The following GLRB variants were observed in gnomAD, a reference collection of about 807,000 sequenced individuals.
The protein encoded by GLRB is glycine receptor beta, also known as glycine receptor subunit beta.
A neutral mutation model predicts 54.2 loss-of-function variants in GLRB; 33 were observed. That is an observed-to-expected ratio of 0.61 (90% CI 0.46 to 0.81). The LOEUF is 0.81. Among genes scored for constraint, GLRB ranks in the 40% least tolerant of loss-of-function variants. The pLI is 0.00. For synonymous variants in GLRB, 209 were observed against 208.2 expected (o/e 1.00, Z -0.03); for missense variants, 572 against 584.6 (o/e 0.98, Z 0.22).
intron 4 of GLRB, among the ~76,000 whole-genome samples, chr4:157,122,976 T>C (rs1735889905): frequency 6.6e-6 from 1 of 151,608 alleles, no homozygotes; most frequent in Non-Finnish European, 1.5e-5. Flanking sequence ...ATTCGTGTCT[T>C]GAAAGGAATA....
intron 4 of GLRB, among the ~76,000 whole-genome samples, chr4:157,135,388 A>C (rs1189818732): frequency 6.6e-6 from 1 of 152,070 alleles, no homozygotes; most frequent in African/African-American, 2.4e-5. Context: ...TGGCATCTTG[A>C]ATTGTAGCTC....
chr4:157,141,772 T>C (rs1347684237), intron 7 of GLRB, among the ~76,000 whole-genome samples: 1 of 152,048 alleles, frequency 6.6e-6, no homozygotes, highest in Non-Finnish European at 1.5e-5. Flanking sequence ...TATCCAAGCA[T>C]GTATTTTACT....
At chr4:157,146,733 AT>A (rs1736827017) in intron 8 of GLRB, among the ~76,000 whole-genome samples, 1 of 151,910 alleles carries the variant, frequency 6.6e-6, no homozygotes, top group Non-Finnish European at 1.5e-5. Context: ...GGACTGAGAA[AT>A]TGCTTGAACC....
chr4:157,129,695 A>C (rs1031018844), intron 4 of GLRB, among the ~76,000 whole-genome samples: 1 of 151,708 alleles, frequency 6.6e-6, no homozygotes. Flanking sequence ...TGCTCATTGG[A>C]ATATGACTCT....
rs1233951140 is a variant in GLRB, at chr4:157,152,734, C to G, written c.921C>G (p.Leu307=). 2 of 1,613,510 alleles carry G rather than the reference C, an allele frequency of 1.2e-6. No individual in the cohort carries two copies. Among genetic ancestry groups the G allele is most frequent in the East Asian group, 2.2e-5 (1 of 44,854 alleles). The part of the protein sequence containing the change: ...ARVPLGIFSV[L]SLASECTTLA... The stretch of plus-strand genomic sequence containing the variant: ...TTTCTGTAGGTATCTTCTCAGTCCT[C>G]AGCTTGGCCTCTGAGTGCACAACCC... The change falls in exon 9 of 10, where the codon CTC becomes CTG. Residue 307 remains leucine (L), a synonymous_variant. Coordinates refer to ENST00000264428, the MANE Select transcript of GLRB (RefSeq NM_000824.5).
chr4:157,140,374 T>G (rs1736563043), intron 7 of GLRB, among the ~76,000 whole-genome samples: 1 of 151,958 alleles, frequency 6.6e-6, no homozygotes, highest in African/African-American at 2.4e-5. Flanking sequence ...ACTTATTACT[T>G]ATTAAATGTC....
At chr4:157,137,499 A>G (rs565434703) in intron 6 of GLRB, among the ~76,000 whole-genome samples, 1 of 152,108 alleles carries the variant, frequency 6.6e-6, no homozygotes, top group East Asian at 1.9e-4. Context: ...AAAAAACACA[A>G]ATGCAAGGAA....
intron 2 of GLRB, among the ~76,000 whole-genome samples, chr4:157,114,836 G>A (rs984427339): frequency 6.6e-6 from 1 of 151,774 alleles, no homozygotes; most frequent in African/African-American, 2.4e-5. Flanking sequence ...ATCATATCAA[G>A]GGTCCATATT....
intron 4 of GLRB, among the ~76,000 whole-genome samples, chr4:157,130,278 T>C (rs1261441305): frequency 6.6e-6 from 1 of 151,596 alleles, no homozygotes; most frequent in African/African-American, 2.4e-5. Flanking sequence ...GTCAGTGTTT[T>C]TGTTTGTTTG....
chr4:157,167,000 T>C (rs1476326029), intron 9 of GLRB, among the ~76,000 whole-genome samples: 1 of 152,150 alleles, frequency 6.6e-6, no homozygotes, highest in Non-Finnish European at 1.5e-5. Flanking sequence ...TGTTTAGTTA[T>C]TTACAGATAC....
At chr4:157,127,247 T>C (rs894598823) in intron 4 of GLRB, among the ~76,000 whole-genome samples, 3 of 151,852 alleles carry the variant, frequency 2.0e-5, no homozygotes, top group African/African-American at 7.2e-5. Context: ...GCATGTACTA[T>C]AGAATAATAG....
chr4:157,077,683 A>G (rs980217742), intron 1 of GLRB, among the ~76,000 whole-genome samples: 1 of 151,500 alleles, frequency 6.6e-6, no homozygotes, highest in Non-Finnish European at 1.5e-5. Flanking sequence ...GCAATTCAAT[A>G]TCAATTTATA....
intron 2 of GLRB, among the ~76,000 whole-genome samples, chr4:157,084,263 C>G (rs748229062): frequency 2.0e-5 from 3 of 152,130 alleles, no homozygotes; most frequent in Non-Finnish European, 4.4e-5. Flanking sequence ...AAACTTCTAT[C>G]TTTTGTTGAA....
At chr4:157,134,006 T>C (rs1736310421) in intron 4 of GLRB, among the ~76,000 whole-genome samples, 3 of 152,008 alleles carry the variant, frequency 2.0e-5, no homozygotes, top group African/African-American at 7.2e-5. Context: ...CCAAAACATG[T>C]GTGCGTGTAT....
chr4:157,162,906 T>G (rs1442705923), intron 9 of GLRB, among the ~76,000 whole-genome samples: 1 of 152,182 alleles, frequency 6.6e-6, no homozygotes, highest in Non-Finnish European at 1.5e-5. Flanking sequence ...TTGTGCTGCC[T>G]TTTGTTCAAC....
At chr4:157,080,485 T>C (rs371639066) in intron 2 of GLRB, among the ~76,000 whole-genome samples, 10 of 152,302 alleles carry the variant, frequency 6.6e-5, no homozygotes, top group African/African-American at 2.2e-4. Context: ...ATTCTGATTG[T>C]CACTGAATTA....
intron 2 of GLRB, among the ~76,000 whole-genome samples, chr4:157,117,581 T>C (rs1165839352): frequency 2.0e-5 from 3 of 151,614 alleles, no homozygotes; most frequent in Non-Finnish European, 4.4e-5. Flanking sequence ...TCAGCAATGG[T>C]CAATGCTGGG....
In GLRB at chr4:157,120,521, A is replaced by G. The variant is rs753045688; in HGVS notation, c.123-35A>G. On this transcript the variant is annotated intron_variant, in intron 2 of 9. Transcript: ENST00000264428. ...TACCCATTTCTGTTGTTTGCTATTT[A>G]TAACTACTTATCAGGATTTTTCTCT... 3.5e-6 allele frequency: 4 copies of G among 1,140,432 alleles called. No individual in the cohort carries two copies. The East Asian group carries it at 9.6e-5, about 27-fold the overall frequency. The allele number at this position is 1,140,432 out of a possible 1,614,324, so 70.6% of individuals were successfully genotyped here.
rs1734331947 is a variant in GLRB, at chr4:157,084,370, G to A, written c.122+6224G>A. On this transcript the variant is annotated intron_variant, in intron 2 of 9. Transcript: ENST00000264428. Reference sequence around the variant, plus strand: ...ATCTCACCTCTTTTCTCCCATTTTGGCCCATACTTGTATCTTAGGTCTGGG... The same window carrying A: ...ATCTCACCTCTTTTCTCCCATTTTGACCCATACTTGTATCTTAGGTCTGGG... 2.0e-5 allele frequency among the ~76,000 whole-genome samples: 3 copies of A among 152,038 alleles called. No homozygotes were observed. In the South Asian group the frequency reaches 6.2e-4, roughly 32 times the overall value.
Sources: allele counts gnomAD v4.1 joint callset (sites outside exome capture counted in the v4.1 genomes callset), GRCh38; gene constraint gnomAD v4.1.1; transcripts MANE v1.5; gene names NCBI Gene and HGNC (gene_info 2026-07-23, HGNC 2026-07-21).